Variants in CPOX observed in about 807,000 individuals in gnomAD.
The protein encoded by CPOX is oxygen-dependent coproporphyrinogen-III oxidase, mitochondrial.
In CPOX, 24 loss-of-function variants were observed where a neutral mutation model predicts 48.9. The ratio of observed to expected loss-of-function variants is 0.49; its 90% confidence interval spans 0.36 to 0.69. CPOX has a LOEUF of 0.69. Among genes scored for constraint, CPOX ranks in the 30% least tolerant of loss-of-function variants. The pLI is 0.00. For missense variants in CPOX, 549 were observed against 597.3 expected (o/e 0.92, Z 0.84); for synonymous variants, 249 against 234.6 (o/e 1.06, Z -0.56).
At chr3:98,587,035 T>C (rs1279838604) in intron 4 of CPOX, among the ~76,000 whole-genome samples, 1 of 152,216 alleles carries the variant, frequency 6.6e-6, no homozygotes, top group African/African-American at 2.4e-5. Context: ...TAAAAGTAGT[T>C]CTTTTGATAA....
Position 98,593,379 on chromosome 3 carries a change from G to GCTGCGCTGGGACCAGGCTCGGAGCC in CPOX, c.101_125dup (p.Ser42ArgfsTer71). 1 of 1,355,906 alleles carries GCTGCGCTGGGACCAGGCTCGGAGCC rather than the reference G, an allele frequency of 7.4e-7. No individual in the cohort carries two copies. Among genetic ancestry groups the GCTGCGCTGGGACCAGGCTCGGAGCC allele is most frequent in the East Asian group, 3.1e-5 (1 of 32,452 alleles). 84.0% of individuals were successfully genotyped at this position (1,355,906 alleles called of 1,614,324 possible). On this transcript the variant is annotated frameshift_variant, in exon 1 of 7. Coordinates refer to ENST00000647941, the MANE Select transcript of CPOX (RefSeq NM_000097.7). LOFTEE classifies it high-confidence loss of function. ...GGGGCCGGCAGACGCGTCCGGCTGCGCTGCGCTGGGACCAGGCTCGGAGCC... is the reference window on the plus strand; with the variant it reads ...GGGGCCGGCAGACGCGTCCGGCTGCGCTGCGCTGGGACCAGGCTCGGAGCCCTGCGCTGGGACCAGGCTCGGAGCC...
downstream of CPOX, among the ~76,000 whole-genome samples, chr3:98,575,394 T>C (rs1339547238): frequency 6.6e-6 from 1 of 152,232 alleles, no homozygotes; most frequent in Non-Finnish European, 1.5e-5. Flanking sequence ...AAATACTGTT[T>C]GAATGAGCTT....
In CPOX at chr3:98,579,981, A is replaced by G. The variant is rs910864295; in HGVS notation, c.*702T>C. 3 of 985,444 alleles carry G rather than the reference A, an allele frequency of 3.0e-6. No individual in the cohort carries two copies. In the African/African-American group the frequency reaches 5.2e-5, roughly 17 times the overall value. The allele number at this position is 985,444 out of a possible 1,614,324, so 61.0% of individuals were successfully genotyped here. A position where few individuals can be genotyped will look rare whatever the true frequency, so the allele number is the denominator to read the frequency against. ...CACATTCAAAAGTGCAGAGAATCCCAACATTAACAAACAATGGTTCCACAA... is the reference window on the plus strand; with the variant it reads ...CACATTCAAAAGTGCAGAGAATCCCGACATTAACAAACAATGGTTCCACAA... On this transcript the variant is annotated 3_prime_UTR_variant, in exon 7 of 7. Coordinates refer to ENST00000647941, the MANE Select transcript of CPOX (RefSeq NM_000097.7).
At chr3:98,586,280 T>G (rs547833877) in intron 4 of CPOX, among the ~76,000 whole-genome samples, 1 of 152,322 alleles carries the variant, frequency 6.6e-6, no homozygotes, top group South Asian at 2.1e-4. Flanking sequence ...ATATCGATAG[T>G]GTATTTCTTG....
Position 98,579,463 on chromosome 3 carries a change from TAAA to T in CPOX, c.*1217_*1219del. ...AATATTTCTTAGTCTTATTTAATAA[TAAA>T]ATTTATTAGCAGATCTCTTGTAAGA... On this transcript the variant is annotated 3_prime_UTR_variant, in exon 7 of 7. Transcript: ENST00000647941. 1 of 794,278 alleles carries T rather than the reference TAAA, an allele frequency of 1.3e-6. No individual in the cohort carries two copies. The highest frequency in any genetic ancestry group is 1.5e-6 in the Non-Finnish European group (1 of 656,276). The allele number at this position is 794,278 out of a possible 1,614,324, so 49.2% of individuals were successfully genotyped here.
Position 98,590,621 on chromosome 3 carries a change from G to A in CPOX, c.811+11C>T. On this transcript the variant is annotated intron_variant, in intron 3 of 6. Coordinates refer to ENST00000647941, the MANE Select transcript of CPOX (RefSeq NM_000097.7). ...CACGACAGTACTTTCCGTAGCTCCT[G>A]AGACCCTTACCATCAGCTTCTTCTA... 6.4e-7 allele frequency: 1 copy of A among 1,569,120 alleles called. No individual in the cohort carries two copies. The highest frequency in any genetic ancestry group is 1.4e-5 in the African/African-American group (1 of 74,042).
In CPOX at chr3:98,593,262, C is replaced by A. The variant is rs762582577; in HGVS notation, c.243G>T (p.Ala81=). The A allele has an allele frequency of 2.0e-6, 3 of 1,513,392 alleles. No individual in the cohort carries two copies. Among genetic ancestry groups the A allele is most frequent in the Middle Eastern group, 1.8e-4 (1 of 5,522 alleles). 93.7% of individuals were successfully genotyped at this position (1,513,392 alleles called of 1,614,324 possible). Residue 81 remains alanine (A), a synonymous_variant, in exon 1 of 7, where the codon GCG becomes GCT. Coordinates refer to ENST00000647941, the MANE Select transcript of CPOX (RefSeq NM_000097.7). ...TGGCCAGCCCCACCAACCCCGCCAGCGCCGCGGCCAGCCCTGTCCCCACCC... is the reference window on the plus strand; with the variant it reads ...TGGCCAGCCCCACCAACCCCGCCAGAGCCGCGGCCAGCCCTGTCCCCACCC... ...GPWVGTGLAA[A]LAGLVGLATA... is the part of the protein sequence containing the mutation.
intron 5 of CPOX, 77 bp from the exon 6 acceptor site, chr3:98,581,588 A>T: frequency 8.3e-7 from 1 of 1,204,032 alleles, no homozygotes; most frequent in Non-Finnish European, 1.2e-6. Context: ...AATACTTAAA[A>T]AGGGGTGGGT....
intron 1 of CPOX, among the ~76,000 whole-genome samples, chr3:98,592,018 G>A (rs1010988919): frequency 2.7e-4 from 40 of 150,638 alleles, no homozygotes; most frequent in Non-Finnish European, 8.8e-5. Context: ...TATGTAGTAT[G>A]AGGATTAAAA....
Position 98,580,206 on chromosome 3 carries a change from G to A in CPOX, c.*477C>T, listed in dbSNP as rs1349780436. On this transcript the variant is annotated 3_prime_UTR_variant, in exon 7 of 7. Coordinates refer to ENST00000647941, the MANE Select transcript of CPOX (RefSeq NM_000097.7). The stretch of plus-strand genomic sequence containing the variant: ...TATAAGGATTACAGCAGAGACTTCA[G>A]TATTGACAAAGTAAAATTTTTACCT... The A allele has an allele frequency of 1.5e-5, 15 of 995,646 alleles. No individual in the cohort carries two copies. Among genetic ancestry groups the A allele is most frequent in the East Asian group, 1.1e-4 (1 of 9,214 alleles). The allele number at this position is 995,646 out of a possible 1,614,324, so 61.7% of individuals were successfully genotyped here.
In CPOX at chr3:98,590,838, AGCTGCTTTTTAATTT is replaced by A. The variant is rs938740682; in HGVS notation, c.701-111_701-97del. 4 of 1,250,580 alleles carry A rather than the reference AGCTGCTTTTTAATTT, an allele frequency of 3.2e-6. No individual in the cohort carries two copies. The Admixed American group carries it at 7.7e-5, about 24-fold the overall frequency. 77.5% of individuals were successfully genotyped at this position (1,250,580 alleles called of 1,614,324 possible). A position where few individuals can be genotyped will look rare whatever the true frequency, so the allele number is the denominator to read the frequency against. On this transcript the variant is annotated intron_variant, in intron 2 of 6. Coordinates refer to ENST00000647941, the MANE Select transcript of CPOX (RefSeq NM_000097.7). ...TATGATTTCCAAGTCAATTTTCAAA[AGCTGCTTTTTAATTT>A]GTCACTTAAAAACATAATTTTAAAA...
the CPOX span, among the ~76,000 whole-genome samples, chr3:98,573,500 CCTT>C: frequency 6.6e-6 from 1 of 152,018 alleles, no homozygotes; most frequent in African/African-American, 2.4e-5. Context: ...TCTCGTTTCT[CCTT>C]CTTCCTCCCA....
chr3:98,586,550 A>T (rs1486093791), intron 4 of CPOX, among the ~76,000 whole-genome samples: 3 of 152,222 alleles, frequency 2.0e-5, no homozygotes, highest in Non-Finnish European at 4.4e-5. Flanking sequence ...CATATGTCAT[A>T]TCAGACATAT....
In CPOX at chr3:98,579,930, T is replaced by G; in HGVS notation, c.*753A>C. ...ATGTCTGAAATAGAAAACTCTTAAG[T>G]ATCAGAATTCAGGGATATAAGCTTT... is the stretch of plus-strand genomic sequence containing the variant. On this transcript the variant is annotated 3_prime_UTR_variant, in exon 7 of 7. Transcript: ENST00000647941. 1.0e-6 allele frequency: 1 copy of G among 985,808 alleles called. No homozygotes were observed. Among genetic ancestry groups the G allele is most frequent in the Non-Finnish European group, 1.2e-6 (1 of 829,870 alleles). 61.1% of individuals were successfully genotyped at this position (985,808 alleles called of 1,614,324 possible).
At chr3:98,585,879 C>CTTT in intron 4 of CPOX, 2 of 407,070 alleles carry the variant, frequency 4.9e-6, no homozygotes, top group South Asian at 2.8e-5. Context: ...CTTTTCTTTT[C>CTTT]TTTTTTTTTT....
Position 98,580,004 on chromosome 3 carries a change from C to A in CPOX, c.*679G>T. ...CCAACATTAACAAACAATGGTTCCA[C>A]AAAAATCAAAATTACAACTTAGACA... is the stretch of plus-strand genomic sequence containing the variant. On this transcript the variant is annotated 3_prime_UTR_variant, in exon 7 of 7. Coordinates refer to ENST00000647941, the MANE Select transcript of CPOX (RefSeq NM_000097.7). The A allele has an allele frequency of 1.0e-6, 1 of 984,978 alleles. No individual in the cohort carries two copies. Among genetic ancestry groups the A allele is most frequent in the Non-Finnish European group, 1.2e-6 (1 of 829,194 alleles). 61.0% of individuals were successfully genotyped at this position (984,978 alleles called of 1,614,324 possible).
intron 5 of CPOX, among the ~76,000 whole-genome samples, chr3:98,582,737 C>A (rs772541954): frequency 6.6e-6 from 1 of 152,062 alleles, no homozygotes; most frequent in Non-Finnish European, 1.5e-5. Context: ...GTGATCTGCC[C>A]GCCTCGGCCT....
chr3:98,593,169 C>A lies in CPOX; in HGVS notation c.336G>T (p.Ser112=), dbSNP rs760397605. The stretch of plus-strand genomic sequence containing the variant: ...CCTCCTCCTCCTCCGGCCTCCCCAG[C>A]GAAGTGGCCCGCGTCCCCGAGGTCT... The part of the protein sequence containing the change: ...LPKTSGTRAT[S]LGRPEEEEDE... Residue 112 remains serine, a synonymous_variant, in exon 1 of 7, where the codon TCG becomes TCT. Transcript: ENST00000647941. 7 of 1,610,210 alleles carry A rather than the reference C, an allele frequency of 4.3e-6. No individual in the cohort carries two copies. In the African/African-American group the frequency reaches 6.7e-5, roughly 15 times the overall value.
At position 98,591,181 on chromosome 3, in the gene CPOX, G is replaced by A. The variant is rs370219453; in HGVS notation, c.557-26C>T. 5.6e-6 allele frequency: 9 copies of A among 1,613,772 alleles called. No homozygotes were observed. In the African/African-American group the frequency reaches 8.0e-5, roughly 14 times the overall value. Reference sequence around the variant, plus strand: ...CTGTGTATAGAAATGTAAAAAAGGAGAGAATGTAAGAGTATGTGCAAAACT... The same window carrying A: ...CTGTGTATAGAAATGTAAAAAAGGAAAGAATGTAAGAGTATGTGCAAAACT... On this transcript the variant is annotated intron_variant, in intron 1 of 6. Coordinates refer to ENST00000647941, the MANE Select transcript of CPOX (RefSeq NM_000097.7).
Sources: gnomAD v4.1 joint callset for allele counts (sites outside exome capture counted in the v4.1 genomes callset) on GRCh38, gnomAD v4.1.1 for gene constraint, MANE v1.5 for transcripts, NCBI Gene and HGNC (gene_info 2026-07-23, HGNC 2026-07-21) for gene names.